ROBO1: variants seen among roughly 807,000 people sequenced by gnomAD.
The protein encoded by ROBO1 is roundabout homolog 1.
A neutral mutation model predicts 195.9 loss-of-function variants in ROBO1; 149 were observed. That is an observed-to-expected ratio of 0.76 (90% CI 0.67 to 0.87). ROBO1 has a LOEUF of 0.87. Among genes scored for constraint, ROBO1 ranks in the 40% least tolerant of loss-of-function variants. The pLI, the probability that ROBO1 is intolerant of heterozygous loss-of-function variation, is 0.00. For missense variants in ROBO1, 1,933 were observed against 2,068.3 expected (o/e 0.93, Z 1.27); for synonymous variants, 816 against 733.2 (o/e 1.11, Z -1.82).
chr3:79,584,413 T>C (rs562911840), intron 2 of ROBO1, among the ~76,000 whole-genome samples: 1 of 151,316 alleles, frequency 6.6e-6, no homozygotes, highest in South Asian at 2.1e-4. Context: ...TTTTATTTTC[T>C]TAAAACAAAC....
In ROBO1 at chr3:79,289,510, A is replaced by G. The variant is rs537449793; in HGVS notation, c.89-163971T>C. On this transcript the variant is annotated intron_variant, in intron 2 of 30. Coordinates refer to ENST00000464233, the MANE Select transcript of ROBO1 (RefSeq NM_002941.4). The stretch of plus-strand genomic sequence containing the variant: ...TTTTCCTTTAGGTGAAATGTTTACC[A>G]CTTTTACTGTCTCCCTCTTGGTATT... 5.3e-5 allele frequency among the ~76,000 whole-genome samples: 8 copies of G among 152,268 alleles called. No homozygotes were observed. The East Asian group carries it at 1.4e-3, about 26-fold the overall frequency.
intron 2 of ROBO1, among the ~76,000 whole-genome samples, chr3:79,285,068 GT>G (rs1260980144): frequency 1.3e-5 from 2 of 152,016 alleles, no homozygotes; most frequent in Admixed American, 1.3e-4. Flanking sequence ...ATTATATTAG[GT>G]TTTGTTGAAT....
In ROBO1 at chr3:78,598,292, T is replaced by C. The variant is rs1702957273; in HGVS notation, c.*621A>G. 6.6e-6 allele frequency: 1 copy of C among 152,314 alleles called. No individual in the cohort carries two copies. The highest frequency in any genetic ancestry group is 2.4e-5 in the African/African-American group (1 of 41,454). 9.4% of individuals were successfully genotyped at this position (152,314 alleles called of 1,614,324 possible). On this transcript the variant is annotated 3_prime_UTR_variant, in exon 31 of 31. Transcript: ENST00000464233. The stretch of plus-strand genomic sequence containing the variant: ...TTCAATGATTGAAATGAAGCCAAAA[T>C]AAAATACCACCAGGGTTTGCAAAGA...
chr3:78,914,668 A>C (rs1378530793), intron 4 of ROBO1, among the ~76,000 whole-genome samples: 1 of 148,062 alleles, frequency 6.8e-6, no homozygotes, highest in Non-Finnish European at 1.5e-5. Flanking sequence ...ATTTTATATA[A>C]AATTTATATA....
chr3:78,954,049 CTTTAG>C (rs969903500), intron 3 of ROBO1, among the ~76,000 whole-genome samples: 76 of 151,920 alleles, frequency 5.0e-4, no homozygotes, highest in Middle Eastern at 3.4e-3. Flanking sequence ...AAAGCTAAAT[CTTTAG>C]TTTAAGTTGA....
chr3:79,463,029 C>A (rs1178817668), intron 2 of ROBO1, among the ~76,000 whole-genome samples: 1 of 152,128 alleles, frequency 6.6e-6, no homozygotes, highest in Non-Finnish European at 1.5e-5. Context: ...AAAACTATTT[C>A]GGAATTTTCT....
intron 4 of ROBO1, among the ~76,000 whole-genome samples, chr3:78,754,322 C>G (rs1298467407): frequency 6.6e-6 from 1 of 152,126 alleles, no homozygotes; most frequent in Non-Finnish European, 1.5e-5. Context: ...AAAAGTCACA[C>G]TCAGGAGTAG....
At chr3:79,633,586 T>C (rs1945410265) in intron 1 of ROBO1, among the ~76,000 whole-genome samples, 1 of 152,068 alleles carries the variant, frequency 6.6e-6, no homozygotes, top group Non-Finnish European at 1.5e-5. Flanking sequence ...TCTCTCCAAA[T>C]CATTAGAAAC....
At chr3:78,619,755 T>C (rs1470955518) in intron 26 of ROBO1, among the ~76,000 whole-genome samples, 1 of 152,024 alleles carries the variant, frequency 6.6e-6, no homozygotes, top group Non-Finnish European at 1.5e-5. Context: ...TGGTGGCTCA[T>C]GCTTGTAATC....
chr3:78,705,011 T>C (rs2081516322), intron 8 of ROBO1, among the ~76,000 whole-genome samples: 1 of 152,216 alleles, frequency 6.6e-6, no homozygotes, highest in Non-Finnish European at 1.5e-5. Flanking sequence ...TGAAGTTATT[T>C]CTGAGTACAG....
chr3:79,492,533 T>C (rs1230527898), intron 2 of ROBO1, among the ~76,000 whole-genome samples: 3 of 151,312 alleles, frequency 2.0e-5, no homozygotes, highest in African/African-American at 7.3e-5. Flanking sequence ...AAAGATATAA[T>C]ATATAAATAT....
At chr3:79,454,686 C>A (rs959387172) in intron 2 of ROBO1, among the ~76,000 whole-genome samples, 2 of 152,042 alleles carry the variant, frequency 1.3e-5, no homozygotes, top group African/African-American at 4.8e-5. Context: ...TTTTCTTAAA[C>A]TATAATTTTC....
chr3:79,160,174 A>G (rs1476821683), intron 2 of ROBO1, among the ~76,000 whole-genome samples: 2 of 151,958 alleles, frequency 1.3e-5, no homozygotes, highest in Non-Finnish European at 2.9e-5. Context: ...TTATACCATA[A>G]TAATTGATTT....
Position 79,401,943 on chromosome 3 carries a change from T to C in ROBO1, c.88+187881A>G, listed in dbSNP as rs147471423. ...TTATTTTTTCAGAAAGAAACAATACTTCATGGTTACACGTACAGTAGTGTG... is the reference window on the plus strand; with the variant it reads ...TTATTTTTTCAGAAAGAAACAATACCTCATGGTTACACGTACAGTAGTGTG... On this transcript the variant is annotated intron_variant, in intron 2 of 30. Coordinates refer to ENST00000464233, the MANE Select transcript of ROBO1 (RefSeq NM_002941.4). Among the ~76,000 whole-genome samples, 1,150 of 152,034 alleles carry C rather than the reference T, an allele frequency of 7.6e-3. 22 individuals are homozygous for C. The highest frequency in any genetic ancestry group is 0.025 in the African/African-American group (1,032 of 41,536).
intron 3 of ROBO1, among the ~76,000 whole-genome samples, chr3:79,070,168 C>T (rs868735820): frequency 6.6e-6 from 1 of 151,846 alleles, no homozygotes; most frequent in Non-Finnish European, 1.5e-5. Context: ...TGTCTTAACT[C>T]GATCATCACT....
At chr3:79,562,577 A>G (rs937491155) in intron 2 of ROBO1, among the ~76,000 whole-genome samples, 2 of 152,076 alleles carry the variant, frequency 1.3e-5, no homozygotes, top group African/African-American at 4.8e-5. Context: ...GAATGAATTG[A>G]AGACTAGAGA....
At chr3:78,977,229 CCA>C (rs1380842285) in intron 3 of ROBO1, among the ~76,000 whole-genome samples, 1 of 152,184 alleles carries the variant, frequency 6.6e-6, no homozygotes, top group African/African-American at 2.4e-5. Context: ...ACCTCAATTC[CCA>C]CAGTTTTCCT....
At chr3:79,083,217 T>C (rs1468189030) in intron 3 of ROBO1, among the ~76,000 whole-genome samples, 1 of 151,762 alleles carries the variant, frequency 6.6e-6, no homozygotes, top group Non-Finnish European at 1.5e-5. Flanking sequence ...CAAAAGTATA[T>C]TTGCGAAGAG....
chr3:79,471,082 T>G (rs1938246904), intron 2 of ROBO1, among the ~76,000 whole-genome samples: 1 of 152,120 alleles, frequency 6.6e-6, no homozygotes, highest in African/African-American at 2.4e-5. Context: ...TAAATGGTGC[T>G]GGGAAAGCTG....
Sources: allele counts gnomAD v4.1 joint callset (sites outside exome capture counted in the v4.1 genomes callset), GRCh38; gene constraint gnomAD v4.1.1; transcripts MANE v1.5; gene names NCBI Gene and HGNC (gene_info 2026-07-23, HGNC 2026-07-21).